Variants in BCAT1 observed in about 807,000 individuals in gnomAD.
The protein encoded by BCAT1 is branched chain amino acid transaminase 1, also known as branched-chain-amino-acid aminotransferase, cytosolic.
Under a neutral mutation model 52.4 loss-of-function variants are expected in BCAT1, and 48 were observed. That is an observed-to-expected ratio of 0.92 (90% CI 0.73 to 1.16). BCAT1 has a LOEUF of 1.16. Among genes scored for constraint, BCAT1 ranks in the 50% most tolerant of loss-of-function variants. The pLI, the probability that BCAT1 is intolerant of heterozygous loss-of-function variation, is 0.00. For synonymous variants in BCAT1, 167 were observed against 161.3 expected (o/e 1.04, Z -0.27); for missense variants, 451 against 457.1 (o/e 0.99, Z 0.12).
chr12:24,879,563 T>C (rs1328662034), intron 4 of BCAT1, among the ~76,000 whole-genome samples: 2 of 152,208 alleles, frequency 1.3e-5, no homozygotes, highest in Admixed American at 6.5e-5. Flanking sequence ...TATTGACCTG[T>C]AACAGCAATA....
intron 5 of BCAT1, among the ~76,000 whole-genome samples, chr12:24,870,517 G>A (rs1464137290): frequency 6.6e-6 from 1 of 152,170 alleles, no homozygotes; most frequent in Non-Finnish European, 1.5e-5. Context: ...CACTCATTTA[G>A]TGGGTTTATA....
At chr12:24,933,652 G>T (rs1475159973) in intron 1 of BCAT1, among the ~76,000 whole-genome samples, 1 of 152,070 alleles carries the variant, frequency 6.6e-6, no homozygotes, top group Non-Finnish European at 1.5e-5. Flanking sequence ...TATGTTTTCT[G>T]GGGTATATAC....
At chr12:24,903,243 C>G (rs1204429984) in intron 1 of BCAT1, 2 of 742,370 alleles carry the variant, frequency 2.7e-6, no homozygotes, top group African/African-American at 1.8e-5. Flanking sequence ...TCCCTGTCAC[C>G]GGGGTCGCTT....
At chr12:24,919,870 G>A (rs919752722) in intron 1 of BCAT1, among the ~76,000 whole-genome samples, 4 of 152,138 alleles carry the variant, frequency 2.6e-5, no homozygotes, top group Non-Finnish European at 5.9e-5. Flanking sequence ...GTTACCTGAT[G>A]GTTTTATAAG....
intron 6 of BCAT1, among the ~76,000 whole-genome samples, chr12:24,845,677 C>T (rs1156400888): frequency 6.6e-6 from 1 of 152,108 alleles, no homozygotes; most frequent in Non-Finnish European, 1.5e-5. Context: ...CATTGGGTTG[C>T]TTGGAAAAAA....
At chr12:24,900,791 C>A (rs1051074896) in intron 2 of BCAT1, among the ~76,000 whole-genome samples, 1 of 152,012 alleles carries the variant, frequency 6.6e-6, no homozygotes, top group African/African-American at 2.4e-5. Context: ...ATTAGCTGGG[C>A]GTGATGGCAC....
chr12:24,894,191 C>G (rs1054744939), intron 3 of BCAT1, 84 bp downstream of exon 3: 8 of 1,365,200 alleles, frequency 5.9e-6, no homozygotes, highest in Admixed American at 2.0e-5. Flanking sequence ...CCATACTGCC[C>G]AAGAGCTATT....
intron 5 of BCAT1, among the ~76,000 whole-genome samples, chr12:24,866,467 G>A (rs376696370): frequency 7.2e-5 from 11 of 152,322 alleles, no homozygotes; most frequent in East Asian, 5.8e-4. Flanking sequence ...TCAACAGCCC[G>A]AGGGCTGAGG....
intron 1 of BCAT1, among the ~76,000 whole-genome samples, chr12:24,930,846 G>T (rs895671936): frequency 6.6e-6 from 1 of 151,156 alleles, no homozygotes; most frequent in Non-Finnish European, 1.5e-5. Context: ...TTGGAATTTG[G>T]AGGTAGTATC....
At chr12:24,825,469 T>G (rs1162206006) in intron 10 of BCAT1, among the ~76,000 whole-genome samples, 1 of 152,080 alleles carries the variant, frequency 6.6e-6, no homozygotes, top group East Asian at 1.9e-4. Flanking sequence ...GCCTGTTTTT[T>G]TTTTTTTTTT....
intron 7 of BCAT1, among the ~76,000 whole-genome samples, chr12:24,837,076 A>G (rs1325743817): frequency 2.3e-4 from 18 of 79,266 alleles, no homozygotes; most frequent in African/African-American, 5.4e-4. Context: ...AAAGAAAGAG[A>G]GAGGGAGGGA....
chr12:24,913,338 C>G (rs147224248), intron 1 of BCAT1, among the ~76,000 whole-genome samples: 1 of 152,190 alleles, frequency 6.6e-6, no homozygotes, highest in Non-Finnish European at 1.5e-5. Flanking sequence ...CTAGCAAGGC[C>G]GATCCTGGCA....
intron 10 of BCAT1, among the ~76,000 whole-genome samples, chr12:24,822,746 C>A (rs1257967806): frequency 2.0e-5 from 3 of 152,190 alleles, no homozygotes; most frequent in Non-Finnish European, 2.9e-5. Flanking sequence ...TAGTTCAGAA[C>A]CACTGTTTCC....
At chr12:24,871,889 A>C (rs1942192953) in intron 5 of BCAT1, among the ~76,000 whole-genome samples, 1 of 152,208 alleles carries the variant, frequency 6.6e-6, no homozygotes, top group African/African-American at 2.4e-5. Flanking sequence ...CTAAAAACGG[A>C]GCTGTTAATA....
intron 1 of BCAT1, among the ~76,000 whole-genome samples, chr12:24,947,293 C>G (rs1484003926): frequency 6.6e-6 from 1 of 152,110 alleles, no homozygotes; most frequent in Admixed American, 6.5e-5. Context: ...ATAATACTCA[C>G]TTACCATTTT....
intron 1 of BCAT1, among the ~76,000 whole-genome samples, chr12:24,926,628 C>T (rs990539657): frequency 3.3e-5 from 5 of 152,132 alleles, no homozygotes; most frequent in African/African-American, 1.2e-4. Context: ...AATTCTTCTG[C>T]CTTGGGATGC....
At chr12:24,946,996 G>T (rs748940509) in intron 1 of BCAT1, among the ~76,000 whole-genome samples, 1 of 152,020 alleles carries the variant, frequency 6.6e-6, no homozygotes, top group African/African-American at 2.4e-5. Context: ...ATATTGGCCA[G>T]CATTAAATTC....
upstream of BCAT1, chr12:24,949,228 CGCCCAGACCCGA>C (rs1565511549): frequency 8.1e-6 from 4 of 494,146 alleles, no homozygotes; most frequent in African/African-American, 2.0e-5. Context: ...TCGGAGCCAG[CGCCCAGACCCGA>C]GCCTCACTCA....
intron 1 of BCAT1, among the ~76,000 whole-genome samples, chr12:24,946,215 T>A (rs563119421): frequency 6.6e-6 from 1 of 152,330 alleles, no homozygotes; most frequent in Admixed American, 6.5e-5. Flanking sequence ...CTCAGTTAGG[T>A]TAATAACACC....
Sources: allele counts gnomAD v4.1 joint callset (sites outside exome capture counted in the v4.1 genomes callset), GRCh38; gene constraint gnomAD v4.1.1; transcripts MANE v1.5; gene names NCBI Gene and HGNC (gene_info 2026-07-23, HGNC 2026-07-21).